Variants in USH2A observed in about 807,000 individuals in gnomAD.
USH2A encodes the protein usherin, also known as Usher syndrome 2A (autosomal recessive, mild).
In USH2A, 443 loss-of-function variants were observed where a neutral mutation model predicts 538.9. The ratio of observed to expected loss-of-function variants is 0.82; its 90% CI spans 0.76 to 0.89. The LOEUF (loss-of-function observed/expected upper bound fraction) is 0.89, where lower values mean the gene tolerates loss of function less well. Ranked by LOEUF, USH2A falls within the 40% of genes least tolerant of loss-of-function variation. The probability of loss-of-function intolerance (pLI) is 0.00; values close to 1 mark genes in which losing one functional copy is unlikely to be tolerated. For missense variants in USH2A, 6,633 were observed against 6,324.8 expected (o/e 1.05, Z -1.65); for synonymous variants, 2,413 against 2,273.5 (o/e 1.06, Z -1.75).
intron 14 of USH2A, among the ~76,000 whole-genome samples, chr1:216,226,495 C>T (rs560190285): frequency 1.3e-5 from 2 of 152,240 alleles, no homozygotes; most frequent in East Asian, 1.9e-4. Flanking sequence ...CACGTAGAGG[C>T]TGCAGGAAGG....
chr1:215,855,567 C>G (rs1388034966), intron 44 of USH2A, among the ~76,000 whole-genome samples: 1 of 152,116 alleles, frequency 6.6e-6, no homozygotes, highest in African/African-American at 2.4e-5. Flanking sequence ...AATGATCATA[C>G]TGCCAAAAGC....
intron 3 of USH2A, among the ~76,000 whole-genome samples, chr1:216,366,335 C>T (rs907063862): frequency 1.2e-4 from 17 of 145,078 alleles, no homozygotes; most frequent in Admixed American, 1.0e-3. Context: ...AGTGTAGGTC[C>T]GGCAATTGTA....
chr1:216,061,559 G>C (rs532502121), intron 30 of USH2A, among the ~76,000 whole-genome samples: 79 of 152,260 alleles, frequency 5.2e-4, no homozygotes, highest in Middle Eastern at 6.8e-3. Flanking sequence ...CTGTACAGCA[G>C]AATTACCTGA....
Position 216,324,321 on chromosome 1 carries a change from G to T in USH2A, c.1175C>A (p.Pro392Gln). Residue 392 changes from proline to glutamine, a missense_variant, in exon 7 of 72, where the codon CCA becomes CAA. Physicochemically the swap from Pro to Gln is moderately conservative, Grantham distance 76. Coordinates refer to ENST00000307340, the MANE Select transcript of USH2A (RefSeq NM_206933.4). The part of the protein sequence containing the change: ...VFYIIIQFFS[P>Q]QPTEIRIQRK... ...TTGAATCCTTATTTCCGTTGGTTGT[G>T]GACTAAAGAACTGAATGATAATATA... The T allele has an allele frequency of 6.2e-7, 1 of 1,612,140 alleles. No homozygotes were observed. Among genetic ancestry groups the T allele is most frequent in the Non-Finnish European group, 8.5e-7 (1 of 1,179,140 alleles).
intron 21 of USH2A, among the ~76,000 whole-genome samples, chr1:216,108,574 A>G (rs2032793550): frequency 6.6e-6 from 1 of 151,946 alleles, no homozygotes; most frequent in Middle Eastern, 3.2e-3. Flanking sequence ...TTCTTCCTGG[A>G]ACCCACATCT....
intron 3 of USH2A, among the ~76,000 whole-genome samples, chr1:216,394,867 C>T (rs987656464): frequency 7.9e-5 from 12 of 151,624 alleles, no homozygotes; most frequent in South Asian, 2.1e-4. Flanking sequence ...TACAGGCGCC[C>T]GCCACCACGC....
chr1:216,061,507 T>G (rs1361761795), intron 30 of USH2A, among the ~76,000 whole-genome samples: 1 of 152,214 alleles, frequency 6.6e-6, no homozygotes, highest in Non-Finnish European at 1.5e-5. Flanking sequence ...ATGTGATCAC[T>G]GGTGACAAAC....
At chr1:215,694,368 T>C (rs993749795) in intron 61 of USH2A, among the ~76,000 whole-genome samples, 1 of 152,130 alleles carries the variant, frequency 6.6e-6, no homozygotes, top group South Asian at 2.1e-4. Context: ...GGTCAGGAGA[T>C]CAAGACCATC....
chr1:215,932,060 T>C (rs1472739897), intron 38 of USH2A, among the ~76,000 whole-genome samples: 1 of 151,968 alleles, frequency 6.6e-6, no homozygotes, highest in Non-Finnish European at 1.5e-5. Context: ...TCTTTTCTTA[T>C]TATGTTTTAA....
intron 32 of USH2A, among the ~76,000 whole-genome samples, chr1:216,015,222 G>A (rs1668677352): frequency 6.6e-6 from 1 of 152,132 alleles, no homozygotes; most frequent in African/African-American, 2.4e-5. Flanking sequence ...CTAGGTTATG[G>A]TTCAGTGAGA....
intron 4 of USH2A, among the ~76,000 whole-genome samples, chr1:216,343,124 T>C (rs372740661): frequency 6.6e-6 from 1 of 152,080 alleles, no homozygotes; most frequent in East Asian, 1.9e-4. Flanking sequence ...AGAAGTAAAG[T>C]AATAATTGGC....
chr1:216,354,575 A>G (rs907425876), intron 4 of USH2A, among the ~76,000 whole-genome samples: 2 of 152,198 alleles, frequency 1.3e-5, no homozygotes, highest in African/African-American at 4.8e-5. Context: ...CTTGAAATGA[A>G]AAGTATAATT....
At chr1:215,742,131 CA>C (rs1206540834) in intron 59 of USH2A, among the ~76,000 whole-genome samples, 3 of 152,084 alleles carry the variant, frequency 2.0e-5, no homozygotes, top group African/African-American at 4.8e-5. Context: ...ACCCCTCAAA[CA>C]AAAATGCCAT....
chr1:216,315,748 T>G (rs2037496111), intron 9 of USH2A, among the ~76,000 whole-genome samples: 1 of 152,210 alleles, frequency 6.6e-6, no homozygotes, highest in African/African-American at 2.4e-5. Context: ...AAAAGTTTAC[T>G]TAAAAATGCA....
intron 61 of USH2A, among the ~76,000 whole-genome samples, chr1:215,685,834 C>T (rs1658408321): frequency 1.3e-5 from 2 of 152,124 alleles, no homozygotes; most frequent in Admixed American, 1.3e-4. Flanking sequence ...TTTACCAGTG[C>T]CATCTTCACC....
At chr1:216,007,544 C>T (rs1359933132) in intron 32 of USH2A, among the ~76,000 whole-genome samples, 1 of 152,168 alleles carries the variant, frequency 6.6e-6, no homozygotes. Flanking sequence ...GGGGCCCTGA[C>T]CCCTGTTTTC....
chr1:215,983,841 G>C (rs1667810167), intron 35 of USH2A, among the ~76,000 whole-genome samples: 1 of 152,190 alleles, frequency 6.6e-6, no homozygotes, highest in Non-Finnish European at 1.5e-5. Flanking sequence ...AAGATTCCTA[G>C]ACCATTTTAA....
chr1:215,819,476 AG>A, intron 47 of USH2A, among the ~76,000 whole-genome samples: 1 of 151,956 alleles, frequency 6.6e-6, no homozygotes, highest in South Asian at 2.1e-4. Flanking sequence ...AAAACTCTGT[AG>A]ATAGGAAATT....
chr1:215,761,406 T>C (rs932635001), intron 56 of USH2A, among the ~76,000 whole-genome samples: 2 of 152,142 alleles, frequency 1.3e-5, no homozygotes, highest in African/African-American at 4.8e-5. Context: ...GACATCATAA[T>C]CAAATTCTTT....
Sources: gnomAD v4.1 joint callset for allele counts (sites outside exome capture counted in the v4.1 genomes callset) on GRCh38, gnomAD v4.1.1 for gene constraint, MANE v1.5 for transcripts, NCBI Gene and HGNC (gene_info 2026-07-23, HGNC 2026-07-21) for gene names.